Variants in MTCL2 observed in about 807,000 individuals in gnomAD.
MTCL2 encodes microtubule crosslinking factor 2.
the MTCL2 span, among the ~76,000 whole-genome samples, chr20:36,821,472 G>C: frequency 0.016 from 2,418 of 151,368 alleles, 55 homozygotes; most frequent in African/African-American, 0.056. Flanking sequence ...AGGTTGCAGT[G>C]AGCCGAGATC....
At chr20:36,812,620 G>A in the MTCL2 span, 16 of 1,536,270 alleles carry the variant, frequency 1.0e-5, no homozygotes, top group South Asian at 6.1e-5. Flanking sequence ...CACCAGCTAA[G>A]TGATATATGG....
At chr20:36,847,853 C>CAAAA in the MTCL2 span, among the ~76,000 whole-genome samples, 1 of 83,604 alleles carries the variant, frequency 1.2e-5, no homozygotes, top group Non-Finnish European at 2.4e-5. Flanking sequence ...CAGTCTGACT[C>CAAAA]AAAAAAAAAA....
chr20:36,833,187 C>T, the MTCL2 span, among the ~76,000 whole-genome samples: 833 of 152,268 alleles, frequency 5.5e-3, 6 homozygotes, highest in African/African-American at 0.019. Context: ...AGGCCCAATG[C>T]GTGAAAACAC....
At chr20:36,839,545 G>A in the MTCL2 span, 1 of 988,858 alleles carries the variant, frequency 1.0e-6, no homozygotes, top group Non-Finnish European at 1.5e-6. The surrounding 1 kb of genome is among the most constrained non-coding windows in gnomAD (Gnocchi z 5.1). Flanking sequence ...GGGGGACCTG[G>A]ATGTGGCAGG....
chr20:36,839,126 GAC>G, the MTCL2 span: 1 of 1,238,778 alleles, frequency 8.1e-7, no homozygotes, highest in African/African-American at 1.5e-5. The surrounding 1 kb of genome is among the most constrained non-coding windows in gnomAD (Gnocchi z 5.1). Context: ...CTTGGCCATG[GAC>G]ACACGGAAAT....
the MTCL2 span, among the ~76,000 whole-genome samples, chr20:36,788,504 G>T: frequency 6.6e-6 from 1 of 152,062 alleles, no homozygotes. Flanking sequence ...CGGGCGCGGT[G>T]GCAGGTGCCT....
chr20:36,791,038 T>G, the MTCL2 span, among the ~76,000 whole-genome samples: 1 of 149,890 alleles, frequency 6.7e-6, no homozygotes, highest in Non-Finnish European at 1.5e-5. Context: ...ACATTTATAT[T>G]TTTTTTTTTG....
chr20:36,841,874 GGTGTGTGTGTGTGTGTGTGTGTGTGT>G, the MTCL2 span, among the ~76,000 whole-genome samples: 16 of 110,768 alleles, frequency 1.4e-4, no homozygotes, highest in Admixed American at 9.7e-4. Flanking sequence ...TGGGGGGTGG[GGTGTGTGTGTGTGTGTGTGTGTGTGT>G]GTGTGTGTGT....
the MTCL2 span, among the ~76,000 whole-genome samples, chr20:36,791,004 C>G: frequency 6.6e-6 from 1 of 152,040 alleles, no homozygotes; most frequent in Non-Finnish European, 1.5e-5. Context: ...AACAATTTGG[C>G]AGTATTTATC....
chr20:36,853,512 G>A, the MTCL2 span, among the ~76,000 whole-genome samples: 3 of 152,228 alleles, frequency 2.0e-5, no homozygotes, highest in Admixed American at 2.0e-4. Flanking sequence ...GACTGAGACA[G>A]AAAAGCCATT....
chr20:36,817,284 A>T, the MTCL2 span: 1 of 821,982 alleles, frequency 1.2e-6, no homozygotes, highest in Non-Finnish European at 1.8e-6. Flanking sequence ...AAAAAAAAAA[A>T]GAAAAGAAAA....
At chr20:36,801,888 C>T in the MTCL2 span, among the ~76,000 whole-genome samples, 5,811 of 151,668 alleles carry the variant, frequency 0.038, 217 homozygotes, top group African/African-American at 0.093. Context: ...CACTTGAACC[C>T]GGGAGGTGGA....
chr20:36,814,732 C>CA, the MTCL2 span, among the ~76,000 whole-genome samples: 2 of 152,016 alleles, frequency 1.3e-5, no homozygotes, highest in Non-Finnish European at 2.9e-5. Context: ...ACTAAAAATA[C>CA]AAAAATTAGC....
At chr20:36,809,675 A>C in the MTCL2 span, among the ~76,000 whole-genome samples, 1 of 150,990 alleles carries the variant, frequency 6.6e-6, no homozygotes, top group Non-Finnish European at 1.5e-5. Flanking sequence ...TCCTGGGTTC[A>C]AGCGGTTCTC....
the MTCL2 span, among the ~76,000 whole-genome samples, chr20:36,849,831 A>G: frequency 1.3e-4 from 20 of 152,312 alleles, no homozygotes; most frequent in Non-Finnish European, 2.4e-4. Flanking sequence ...ATTGGCCTGC[A>G]GCAGCTGGTG....
chr20:36,809,339 C>T, the MTCL2 span, among the ~76,000 whole-genome samples: 9 of 152,200 alleles, frequency 5.9e-5, no homozygotes, highest in African/African-American at 2.2e-4. Context: ...GCCCACCATA[C>T]AGTAAGGGCT....
At chr20:36,846,067 G>A in the MTCL2 span, among the ~76,000 whole-genome samples, 1 of 152,160 alleles carries the variant, frequency 6.6e-6, no homozygotes, top group African/African-American at 2.4e-5. Flanking sequence ...TTAGCCAGCT[G>A]TGGTGGCTCA....
At chr20:36,859,642 G>A in the MTCL2 span, 1 of 1,231,578 alleles carries the variant, frequency 8.1e-7, no homozygotes, top group Non-Finnish European at 1.0e-6. Context: ...TTCCTCACTT[G>A]GACCCCAGAG....
chr20:36,818,072 C>A, the MTCL2 span, among the ~76,000 whole-genome samples: 1 of 152,220 alleles, frequency 6.6e-6, no homozygotes, highest in Admixed American at 6.5e-5. Context: ...ACAGGGAGGG[C>A]CATCCTAGCT....
Sources: gnomAD v4.1 joint callset for allele counts (sites outside exome capture counted in the v4.1 genomes callset) on GRCh38, gnomAD v4.1.1 for gene constraint, Gnocchi (gnomAD v3.1) non-coding constraint, MANE v1.5 for transcripts, NCBI Gene and HGNC (gene_info 2026-07-23, HGNC 2026-07-21) for gene names.